Variants in MTCL3 observed in about 807,000 individuals in gnomAD.
The protein encoded by MTCL3 is MTCL family member 3, also known as microtubule cross-linking factor 3.
chr6:127,483,160 T>C, the MTCL3 span, among the ~76,000 whole-genome samples: 5 of 152,192 alleles, frequency 3.3e-5, no homozygotes, highest in Non-Finnish European at 7.4e-5. Context: ...ATATTTTTAC[T>C]TTGGACTAGG....
chr6:127,516,108 C>A, the MTCL3 span: 1 of 1,475,656 alleles, frequency 6.8e-7, no homozygotes. Flanking sequence ...CTTCCCCGCC[C>A]CCTCCTCCCC....
At chr6:127,508,480 A>G in the MTCL3 span, among the ~76,000 whole-genome samples, 1 of 152,202 alleles carries the variant, frequency 6.6e-6, no homozygotes, top group Non-Finnish European at 1.5e-5. Context: ...GATAAGATCT[A>G]TTATACCAAG....
At chr6:127,473,701 T>C in the MTCL3 span, among the ~76,000 whole-genome samples, 27 of 152,250 alleles carry the variant, frequency 1.8e-4, 1 homozygote, top group African/African-American at 4.8e-4. Flanking sequence ...GCAATGTTTC[T>C]AGCTGTACCA....
the MTCL3 span, chr6:127,516,780 G>C: frequency 2.5e-6 from 3 of 1,208,082 alleles, no homozygotes; most frequent in Non-Finnish European, 3.4e-6. Context: ...TGCTCCATTT[G>C]GATGGCGCTT....
chr6:127,504,771 CAACTTCAAA>C, the MTCL3 span, among the ~76,000 whole-genome samples: 1 of 152,110 alleles, frequency 6.6e-6, no homozygotes, highest in Admixed American at 6.5e-5. Context: ...TAAAGACTTG[CAACTTCAAA>C]AAACATCAGA....
At chr6:127,504,466 ATG>A in the MTCL3 span, among the ~76,000 whole-genome samples, 1 of 152,184 alleles carries the variant, frequency 6.6e-6, no homozygotes, top group African/African-American at 2.4e-5. Context: ...TTTTATTTTT[ATG>A]TAAAAGGCTG....
At chr6:127,505,584 G>C in the MTCL3 span, among the ~76,000 whole-genome samples, 9 of 152,274 alleles carry the variant, frequency 5.9e-5, no homozygotes, top group African/African-American at 2.2e-4. Flanking sequence ...CTTAATACCT[G>C]AGTGATGAAA....
chr6:127,492,163 G>A, the MTCL3 span, among the ~76,000 whole-genome samples: 1 of 152,146 alleles, frequency 6.6e-6, no homozygotes, highest in Non-Finnish European at 1.5e-5. Context: ...CCTTCTAGCT[G>A]TTATCTGACC....
At chr6:127,493,182 T>G in the MTCL3 span, among the ~76,000 whole-genome samples, 3,004 of 152,270 alleles carry the variant, frequency 0.02, 99 homozygotes, top group African/African-American at 0.068. Flanking sequence ...AACAATAACT[T>G]TAAATATTCC....
the MTCL3 span, among the ~76,000 whole-genome samples, chr6:127,505,522 T>A: frequency 1.3e-5 from 2 of 152,114 alleles, no homozygotes; most frequent in East Asian, 3.8e-4. Flanking sequence ...TTTCAGAGGA[T>A]GGAGCGTGGG....
chr6:127,492,373 C>T, the MTCL3 span, among the ~76,000 whole-genome samples: 1 of 151,938 alleles, frequency 6.6e-6, no homozygotes, highest in Non-Finnish European at 1.5e-5. Context: ...TAAACAATAT[C>T]CTGTATTCAA....
At chr6:127,475,981 T>G in the MTCL3 span, 3 of 1,610,908 alleles carry the variant, frequency 1.9e-6, no homozygotes, top group Non-Finnish European at 1.7e-6. The surrounding 1 kb of genome is among the most constrained non-coding windows in gnomAD (Gnocchi z 7.3). Flanking sequence ...GCCGGACTTG[T>G]ACTTGTACTT....
At chr6:127,490,417 T>G in the MTCL3 span, among the ~76,000 whole-genome samples, 3 of 152,090 alleles carry the variant, frequency 2.0e-5, no homozygotes, top group South Asian at 6.2e-4. Flanking sequence ...ATTTTAAAAA[T>G]GTACTTTATA....
the MTCL3 span, among the ~76,000 whole-genome samples, chr6:127,486,030 T>C: frequency 6.6e-6 from 1 of 152,124 alleles, no homozygotes; most frequent in African/African-American, 2.4e-5. Context: ...AGGGCCACTG[T>C]AGAGATGGGG....
At chr6:127,484,943 C>T in the MTCL3 span, among the ~76,000 whole-genome samples, 1 of 152,170 alleles carries the variant, frequency 6.6e-6, no homozygotes, top group African/African-American at 2.4e-5. Flanking sequence ...CTCAGAACAG[C>T]ATCATCAGTG....
chr6:127,493,437 G>A, the MTCL3 span, among the ~76,000 whole-genome samples: 1 of 152,288 alleles, frequency 6.6e-6, no homozygotes, highest in East Asian at 1.9e-4. Flanking sequence ...TCTGGAAATT[G>A]TTTCCAGAAG....
At chr6:127,488,634 T>C in the MTCL3 span, among the ~76,000 whole-genome samples, 1 of 152,078 alleles carries the variant, frequency 6.6e-6, no homozygotes, top group Admixed American at 6.6e-5. Context: ...AGGTCTACTT[T>C]AAAAGTAGAC....
chr6:127,504,751 C>T, the MTCL3 span, among the ~76,000 whole-genome samples: 3 of 152,138 alleles, frequency 2.0e-5, no homozygotes, highest in East Asian at 1.9e-4. Flanking sequence ...TTATTATGCT[C>T]TTGAAAACAT....
At chr6:127,516,582 A>AG in the MTCL3 span, 2 of 1,597,512 alleles carry the variant, frequency 1.3e-6, no homozygotes, top group African/African-American at 1.3e-5. Context: ...CTGCTGTGGC[A>AG]GGGGCAGCGC....
Sources: allele counts gnomAD v4.1 joint callset (sites outside exome capture counted in the v4.1 genomes callset), GRCh38; gene constraint gnomAD v4.1.1; non-coding constraint Gnocchi (gnomAD v3.1); transcripts MANE v1.5; gene names NCBI Gene and HGNC (gene_info 2026-07-23, HGNC 2026-07-21).